The following PCDHGA7 variants were observed in gnomAD, a reference collection of about 807,000 sequenced individuals.
PCDHGA7 encodes protocadherin gamma-A7.
In PCDHGA7, 44 loss-of-function variants were observed where a neutral mutation model predicts 58.3. The ratio of observed to expected loss-of-function variants is 0.75; its 90% CI spans 0.59 to 0.97. The LOEUF (loss-of-function observed/expected upper bound fraction) is 0.97, where lower values mean the gene tolerates loss of function less well. PCDHGA7 is among the 50% of genes least tolerant of loss of function. The probability of loss-of-function intolerance (pLI) is 0.00; values close to 1 mark genes in which losing one functional copy is unlikely to be tolerated. For synonymous variants in PCDHGA7, 516 were observed against 504.2 expected (o/e 1.02, Z -0.31); for missense variants, 1,266 against 1,188.7 (o/e 1.06, Z -0.96).
chr5:141,436,713 G>T (rs2097842329), intron 1 of PCDHGA7, among the ~76,000 whole-genome samples: 1 of 152,190 alleles, frequency 6.6e-6, no homozygotes, highest in Non-Finnish European at 1.5e-5. Context: ...TCGATGTTCT[G>T]TTGGGAAAAA....
In PCDHGA7 at chr5:141,485,125, G is replaced by A. The variant is rs776015544; in HGVS notation, c.2425-9682G>A. 7.1e-7 allele frequency: 1 copy of A among 1,412,160 alleles called. No homozygotes were observed. The highest frequency in any genetic ancestry group is 1.2e-5 in the South Asian group (1 of 81,022). The allele number at this position is 1,412,160 out of a possible 1,614,324, so 87.5% of individuals were successfully genotyped here. On this transcript the variant is annotated intron_variant, in intron 1 of 3. Transcript: ENST00000518325. This position sits in a 1 kb window ranked among gnomAD's most constrained non-coding sequence, Gnocchi z 5.7. ...CTGCTGTGGCTGTTTGGGGCGGGTC[G>A]GCTTCATCCGCGTCTCAGGAGCAAG... is the stretch of plus-strand genomic sequence containing the variant.
chr5:141,448,323 A>G (rs2098582223), intron 1 of PCDHGA7, among the ~76,000 whole-genome samples: 1 of 152,080 alleles, frequency 6.6e-6, no homozygotes, highest in Non-Finnish European at 1.5e-5. Flanking sequence ...TTTTCTTTGA[A>G]TCTTTATAGC....
At chr5:141,419,751 C>T (rs140649685) in intron 1 of PCDHGA7, 1 of 1,613,900 alleles carries the variant, frequency 6.2e-7, no homozygotes, top group African/African-American at 1.3e-5. Flanking sequence ...ATGGTGCGTG[C>T]TTTGGGTGAC....
At chr5:141,484,880 T>G (rs1258072805) in intron 1 of PCDHGA7, 3 of 336,846 alleles carry the variant, frequency 8.9e-6, no homozygotes, top group Admixed American at 9.2e-5. Flanking sequence ...GAGGATAGGG[T>G]GGGCTTTTTC....
chr5:141,466,039 A>G (rs926979550), intron 1 of PCDHGA7, among the ~76,000 whole-genome samples: 1 of 152,122 alleles, frequency 6.6e-6, no homozygotes, highest in Non-Finnish European at 1.5e-5. Context: ...GGAGAACGGC[A>G]TGAACCCAGG....
At chr5:141,417,892 C>T (rs550343206) in intron 1 of PCDHGA7, 13 of 1,570,660 alleles carry the variant, frequency 8.3e-6, no homozygotes, top group African/African-American at 5.4e-5. Flanking sequence ...GGCGCCGGGC[C>T]GGCCCGCGGC....
At chr5:141,460,965 G>A (rs1398642676) in intron 1 of PCDHGA7, among the ~76,000 whole-genome samples, 21 of 114,476 alleles carry the variant, frequency 1.8e-4, no homozygotes, top group African/African-American at 8.5e-4. Flanking sequence ...ATATATATGT[G>A]TGTGTGTGTG....
Position 141,486,862 on chromosome 5 carries a change from A to G in PCDHGA7, c.2425-7945A>G. The G allele has an allele frequency of 6.2e-7, 1 of 1,614,256 alleles. No individual in the cohort carries two copies. The highest frequency in any genetic ancestry group is 1.3e-5 in the African/African-American group (1 of 75,078). On this transcript the variant is annotated intron_variant, in intron 1 of 3. Transcript: ENST00000518325. This position sits in a 1 kb window ranked among gnomAD's most constrained non-coding sequence, Gnocchi z 5.0. Reference sequence around the variant, plus strand: ...TGCTGGACCTCAATGACAATGCTCCAGCTGTGCTCCGTCCTCGGGCCCGGC... The same window carrying G: ...TGCTGGACCTCAATGACAATGCTCCGGCTGTGCTCCGTCCTCGGGCCCGGC...
At chr5:141,464,008 G>A (rs1484928987) in intron 1 of PCDHGA7, among the ~76,000 whole-genome samples, 6 of 151,674 alleles carry the variant, frequency 4.0e-5, no homozygotes, top group Non-Finnish European at 7.4e-5. Flanking sequence ...GCTCATGCTT[G>A]TAATCCCACA....
Position 141,485,486 on chromosome 5 carries a change from C to T in PCDHGA7, c.2425-9321C>T, listed in dbSNP as rs2099614522. 6 of 1,614,102 alleles carry T rather than the reference C, an allele frequency of 3.7e-6. No individual in the cohort carries two copies. The highest frequency in any genetic ancestry group is 2.2e-5 in the East Asian group (1 of 44,866). The stretch of plus-strand genomic sequence containing the variant: ...TGGGCTCAGTGCCAGCTGCATCGTG[C>T]CCCTGGAGTTTGTCACCGAAGGTCC... On this transcript the variant is annotated intron_variant, in intron 1 of 3. Coordinates refer to ENST00000518325, the MANE Select transcript of PCDHGA7 (RefSeq NM_018920.4). This position sits in a 1 kb window ranked among gnomAD's most constrained non-coding sequence, Gnocchi z 5.7.
In PCDHGA7 at chr5:141,423,465, G is replaced by A. The variant is rs762995150; in HGVS notation, c.2424+38142G>A. On this transcript the variant is annotated intron_variant, in intron 1 of 3. Coordinates refer to ENST00000518325, the MANE Select transcript of PCDHGA7 (RefSeq NM_018920.4). ...CGTCACATTTTGTAGGCGTGGACGG[G>A]GTACAGGCTTTCCTGCAAACCTATT... The A allele has an allele frequency of 2.6e-5, 42 of 1,614,006 alleles. 1 individual carries two copies. The Middle Eastern group carries it at 1.5e-3, about 57-fold the overall frequency.
chr5:141,440,401 C>T (rs1023628115), intron 1 of PCDHGA7: 4 of 152,088 alleles, frequency 2.6e-5, no homozygotes, highest in African/African-American at 7.3e-5. Context: ...GAGAGGCAAT[C>T]GCACCACTGC....
intron 2 of PCDHGA7, among the ~76,000 whole-genome samples, chr5:141,502,253 T>C (rs1331834149): frequency 6.6e-6 from 1 of 152,232 alleles, no homozygotes; most frequent in South Asian, 2.1e-4. Context: ...TTTTTTTTAA[T>C]CCAGGATTTT....
At chr5:141,418,599 A>G in intron 1 of PCDHGA7, 1 of 1,614,054 alleles carries the variant, frequency 6.2e-7, no homozygotes, top group South Asian at 1.1e-5. Flanking sequence ...CAGGACGTGT[A>G]CAGGGTTAGC....
intron 1 of PCDHGA7, among the ~76,000 whole-genome samples, chr5:141,436,793 C>A (rs752376420): frequency 6.6e-6 from 1 of 152,178 alleles, no homozygotes; most frequent in Non-Finnish European, 1.5e-5. Context: ...TAAAACTGTT[C>A]TAAAATTTTT....
At chr5:141,409,011 A>T in intron 1 of PCDHGA7, 1 of 1,613,974 alleles carries the variant, frequency 6.2e-7, no homozygotes, top group Non-Finnish European at 8.5e-7. Context: ...ACTGACCAGG[A>T]TGAGGGGGTC....
chr5:141,506,294 C>T (rs1165174121), intron 3 of PCDHGA7, among the ~76,000 whole-genome samples: 1 of 151,888 alleles, frequency 6.6e-6, no homozygotes, highest in African/African-American at 2.4e-5. Context: ...ACTAAAAATA[C>T]AAAAATTAGC....
intron 2 of PCDHGA7, among the ~76,000 whole-genome samples, chr5:141,502,866 C>CTCTTTTTTT (rs1554188502): frequency 7.8e-6 from 1 of 128,046 alleles, no homozygotes; most frequent in African/African-American, 3.1e-5. Context: ...GACTCTCTGT[C>CTCTTTTTTT]TTTTTTTTTT....
At position 141,476,764 on chromosome 5, in the gene PCDHGA7, G is replaced by A. The variant is rs570982273; in HGVS notation, c.2425-18043G>A. 1.2e-6 allele frequency: 2 copies of A among 1,613,794 alleles called. No homozygotes were observed. Reference sequence around the variant, plus strand: ...CTAGTCTCCAGTTAGTGCTGACGGCGTTGGACGGAGGGACCCCAGCTCTCT... The same window carrying A: ...CTAGTCTCCAGTTAGTGCTGACGGCATTGGACGGAGGGACCCCAGCTCTCT... On this transcript the variant is annotated intron_variant, in intron 1 of 3. Coordinates refer to ENST00000518325, the MANE Select transcript of PCDHGA7 (RefSeq NM_018920.4). The surrounding 1 kb of genome is among the most constrained non-coding windows in gnomAD (Gnocchi z 7.6).
Sources: gnomAD v4.1 joint callset for allele counts (sites outside exome capture counted in the v4.1 genomes callset) on GRCh38, gnomAD v4.1.1 for gene constraint, Gnocchi (gnomAD v3.1) non-coding constraint, MANE v1.5 for transcripts, NCBI Gene and HGNC (gene_info 2026-07-23, HGNC 2026-07-21) for gene names.